The following DNAH8 variants were observed in gnomAD, a reference collection of about 807,000 sequenced individuals.
The protein encoded by DNAH8 is dynein axonemal heavy chain 8, also known as axonemal beta dynein heavy chain 8.
DNAH8 carries 382 observed loss-of-function variants against 562.1 expected under a neutral mutation model. The observed-to-expected ratio is 0.68, with a 90% CI of 0.63 to 0.74. The LOEUF (loss-of-function observed/expected upper bound fraction) is 0.74. Ranked by LOEUF, DNAH8 falls within the 30% of genes least tolerant of loss-of-function variation. The pLI is 0.00. For synonymous variants in DNAH8, 1,881 were observed against 1,919.4 expected (o/e 0.98, Z 0.52); for missense variants, 5,203 against 5,620.4 (o/e 0.93, Z 2.37).
intron 85 of DNAH8, among the ~76,000 whole-genome samples, chr6:38,980,751 CTATTAT>C (rs35242992): frequency 6.6e-6 from 1 of 151,566 alleles, no homozygotes; most frequent in East Asian, 1.9e-4. Context: ...AGAGCTACTC[CTATTAT>C]TATTATTATT....
intron 21 of DNAH8, among the ~76,000 whole-genome samples, chr6:38,802,224 C>T (rs929926810): frequency 6.6e-6 from 1 of 152,092 alleles, no homozygotes; most frequent in African/African-American, 2.4e-5. Context: ...GTATGAGCCA[C>T]TGCACCCGGC....
At chr6:38,748,490 C>T (rs1765146650) in intron 8 of DNAH8, among the ~76,000 whole-genome samples, 1 of 152,078 alleles carries the variant, frequency 6.6e-6, no homozygotes. Flanking sequence ...TTGTTCAGAG[C>T]ATATTATTTC....
intron 42 of DNAH8, among the ~76,000 whole-genome samples, chr6:38,860,006 A>G (rs768322724): frequency 3.0e-4 from 46 of 152,122 alleles, no homozygotes; most frequent in Non-Finnish European, 5.0e-4. Flanking sequence ...CAGATCTTCT[A>G]GACATTTGCC....
chr6:38,873,409 AT>A (rs1203927054), intron 52 of DNAH8, 33 bp downstream of exon 52: 6 of 1,547,188 alleles, frequency 3.9e-6, no homozygotes, highest in Non-Finnish European at 4.3e-6. Context: ...TACTACTTCG[AT>A]TTTGATTTTT....
intron 13 of DNAH8, among the ~76,000 whole-genome samples, chr6:38,776,348 A>C (rs1297229290): frequency 2.0e-5 from 3 of 151,700 alleles, no homozygotes; most frequent in Non-Finnish European, 2.9e-5. Context: ...CTCCCAAGTA[A>C]CTGGGATTAC....
At chr6:38,856,004 G>A (rs529355758) in intron 41 of DNAH8, among the ~76,000 whole-genome samples, 2 of 152,324 alleles carry the variant, frequency 1.3e-5, no homozygotes, top group African/African-American at 4.8e-5. Context: ...CATGAAACCA[G>A]TCCCTGGTGC....
intron 53 of DNAH8, among the ~76,000 whole-genome samples, chr6:38,877,821 T>C (rs573355550): frequency 6.6e-6 from 1 of 152,314 alleles, no homozygotes; most frequent in Admixed American, 6.5e-5. Flanking sequence ...ATTAAAAATA[T>C]AGAAAACTGG....
Position 38,938,781 on chromosome 6 carries a change from C to A in DNAH8, c.11817-17C>A. On this transcript the variant is annotated splice_polypyrimidine_tract_variant and intron_variant, in intron 78 of 92. Transcript: ENST00000327475. ...GAAATTGCCCTTTGCTTCTTTGATT[C>A]TTAAAATGTGTTTCAGATCTGAAAA... 1 of 1,568,906 alleles carries A rather than the reference C, an allele frequency of 6.4e-7. No homozygotes were observed. The highest frequency in any genetic ancestry group is 2.2e-5 in the East Asian group (1 of 44,496).
At chr6:38,750,366 T>G in intron 8 of DNAH8, 110 bp from the exon 9 acceptor site, 1 of 569,536 alleles carries the variant, frequency 1.8e-6, no homozygotes, top group East Asian at 3.1e-5. Context: ...CACTTAAATA[T>G]CTACCATTTT....
At chr6:38,952,454 A>G (rs1045523574) in intron 82 of DNAH8, among the ~76,000 whole-genome samples, 8 of 152,292 alleles carry the variant, frequency 5.3e-5, no homozygotes, top group Middle Eastern at 3.4e-3. Flanking sequence ...GCAATCTTCT[A>G]GGGTCAGGTA....
In DNAH8 at chr6:38,920,954, G is replaced by A. The variant is rs143546266; in HGVS notation, c.10525-415G>A. Reference sequence around the variant, plus strand: ...CGCCCAGGCTGGAGTACAGTGTTGCGATCACAGCTCACTGCAGCCTCGACC... The same window carrying A: ...CGCCCAGGCTGGAGTACAGTGTTGCAATCACAGCTCACTGCAGCCTCGACC... On this transcript the variant is annotated intron_variant, in intron 70 of 92. Coordinates refer to ENST00000327475, the MANE Select transcript of DNAH8 (RefSeq NM_001206927.2). 2.1e-3 allele frequency among the ~76,000 whole-genome samples: 313 copies of A among 152,152 alleles called. 1 individual carries two copies. The highest frequency in any genetic ancestry group is 6.8e-3 in the African/African-American group (284 of 41,504).
At chr6:38,767,375 T>C (rs1226081032) in intron 11 of DNAH8, among the ~76,000 whole-genome samples, 2 of 151,548 alleles carry the variant, frequency 1.3e-5, no homozygotes, top group African/African-American at 4.9e-5. Flanking sequence ...AGGCGTAGAT[T>C]GCAGTGAGCC....
chr6:39,003,757 A>C (rs1246119863), intron 88 of DNAH8, among the ~76,000 whole-genome samples: 1 of 152,208 alleles, frequency 6.6e-6, no homozygotes, highest in Non-Finnish European at 1.5e-5. Flanking sequence ...ATTATTACAA[A>C]TACTGTTATA....
At chr6:38,823,163 C>T in intron 27 of DNAH8, 129 bp downstream of exon 27, 5 of 716,632 alleles carry the variant, frequency 7.0e-6, no homozygotes, top group Non-Finnish European at 1.1e-5. Context: ...AAATACCAAG[C>T]ACCTGTCACC....
chr6:38,956,850 T>C (rs985618489), intron 82 of DNAH8, among the ~76,000 whole-genome samples: 3 of 152,028 alleles, frequency 2.0e-5, no homozygotes, highest in African/African-American at 7.3e-5. Flanking sequence ...AAGGGAAGAC[T>C]GCAAGAGAGG....
rs1777939202 is a variant in DNAH8, at chr6:38,875,639, G to A, written c.7669G>A (p.Val2557Ile). Residue 2557 changes from valine (V) to isoleucine (I), a missense_variant, in exon 53 of 93, where the codon GTT becomes ATT. Around this residue, in one of 6 missense-constraint regions of DNAH8, gnomAD observed 977 missense variants for 1,061.8 expected, o/e 0.92. Coordinates refer to ENST00000327475, the MANE Select transcript of DNAH8 (RefSeq NM_001206927.2). ...AATTCCCTCCAAAGAAGAAGGCGGTGTTTCCTGTGTCGAACATCTTCATAA... is the reference window on the plus strand; with the variant it reads ...AATTCCCTCCAAAGAAGAAGGCGGTATTTCCTGTGTCGAACATCTTCATAA... ...GLIPSKEEGG[V>I]SCVEHLHKLF... 3.7e-6 allele frequency: 6 copies of A among 1,613,552 alleles called. No homozygotes were observed. The highest frequency in any genetic ancestry group is 5.1e-6 in the Non-Finnish European group (6 of 1,179,618).
rs146331687 is a variant in DNAH8 at position 38,803,223 on chromosome 6, G to A, written c.2946G>A (p.Lys982=). ...EWADILNHKS[K]HVEEAVRELI... ...CTGACATTCTAAACCACAAAAGTAA[G>A]CATGTGGAAGAAGCTGTCAGAGAAC... Residue 982 remains lysine, a synonymous_variant, in exon 22 of 93, where the codon AAG becomes AAA. Coordinates refer to ENST00000327475, the MANE Select transcript of DNAH8 (RefSeq NM_001206927.2). 152 of 1,608,346 alleles carry A rather than the reference G, an allele frequency of 9.5e-5. No individual in the cohort carries two copies. Among genetic ancestry groups the A allele is most frequent in the East Asian group, 2.2e-4 (10 of 44,684 alleles).
chr6:38,915,453 C>A, intron 68 of DNAH8, 76 bp downstream of exon 68: 1 of 1,183,556 alleles, frequency 8.4e-7, no homozygotes, highest in Non-Finnish European at 1.1e-6. Flanking sequence ...ATTAACTCAT[C>A]AGAAAACTGA....
At chr6:38,789,375 C>A (rs1769482339) in intron 18 of DNAH8, among the ~76,000 whole-genome samples, 1 of 152,076 alleles carries the variant, frequency 6.6e-6, no homozygotes. Context: ...TAAGAGATAA[C>A]ATAAAAGCTT....
Sources: gnomAD v4.1 joint callset for allele counts (sites outside exome capture counted in the v4.1 genomes callset) on GRCh38, gnomAD v4.1.1 for gene constraint, gnomAD v4.1.1 regional missense constraint, MANE v1.5 for transcripts, NCBI Gene and HGNC (gene_info 2026-07-23, HGNC 2026-07-21) for gene names.